EPHA3: variants seen among roughly 807,000 people sequenced by gnomAD.
EPHA3 encodes ephrin type-A receptor 3.
A neutral mutation model predicts 107.1 loss-of-function variants in EPHA3; 42 were observed. That is an observed-to-expected ratio of 0.39 (90% CI 0.31 to 0.51). EPHA3 has a LOEUF of 0.51. Among genes scored for constraint, EPHA3 ranks in the 20% least tolerant of loss-of-function variants. The pLI is 0.78. For synonymous variants in EPHA3, 461 were observed against 424.8 expected, an observed-to-expected ratio of 1.09 and a Z score of -1.05; for missense variants, 1,183 against 1,211.2, an observed-to-expected ratio of 0.98 and a Z score of 0.35.
chr3:89,268,202 G>A lies in EPHA3; in HGVS notation c.814+57682G>A, dbSNP rs1705583420. Among the ~76,000 whole-genome samples, 3 of 152,236 alleles carry A rather than the reference G, an allele frequency of 2.0e-5. No homozygotes were observed. In the South Asian group the frequency reaches 6.2e-4, roughly 32 times the overall value. ...AATTCACTTGCCCCAGCCCACACAA[G>A]TCAGTAGTAGCACAGGGTGGTGTTT... On this transcript the variant is annotated intron_variant, in intron 3 of 16. Transcript: ENST00000336596.
At chr3:89,119,326 T>A (rs1707325877) in intron 1 of EPHA3, among the ~76,000 whole-genome samples, 1 of 152,084 alleles carries the variant, frequency 6.6e-6, no homozygotes. Flanking sequence ...TACCCAAAAA[T>A]ATCTCATTGG....
intron 11 of EPHA3, among the ~76,000 whole-genome samples, chr3:89,423,131 A>ATGAG (rs1469415951): frequency 6.6e-6 from 1 of 151,494 alleles, no homozygotes; most frequent in African/African-American, 2.4e-5. Context: ...AAATAGAAGG[A>ATGAG]ATTATATTGG....
chr3:89,269,903 T>C (rs1442832313), intron 3 of EPHA3, among the ~76,000 whole-genome samples: 2 of 151,812 alleles, frequency 1.3e-5, no homozygotes, highest in Admixed American at 6.6e-5. Context: ...GTTCAGAAGA[T>C]AGAGTCTAAA....
rs967804073 is a variant in EPHA3 at position 89,366,193 on chromosome 3, G to C, written c.1306+24103G>C. Among the ~76,000 whole-genome samples the C allele has an allele frequency of 2.5e-4, 38 of 150,500 alleles. 1 individual carries two copies. The highest frequency in any genetic ancestry group is 9.2e-4 in the African/African-American group (38 of 41,314). On this transcript the variant is annotated intron_variant, in intron 5 of 16. Coordinates refer to ENST00000336596, the MANE Select transcript of EPHA3 (RefSeq NM_005233.6). ...AAAAACAGAACCAATACATTCATCA[G>C]TTTAAGGGAATATTTACACATATTG...
At chr3:89,172,128 T>C (rs1023209091) in intron 2 of EPHA3, among the ~76,000 whole-genome samples, 4 of 152,108 alleles carry the variant, frequency 2.6e-5, no homozygotes, top group African/African-American at 9.7e-5. Flanking sequence ...TAGAAGGTTA[T>C]TAGCATATTG....
At chr3:89,429,632 T>A (rs1296585770) in intron 12 of EPHA3, among the ~76,000 whole-genome samples, 2 of 152,268 alleles carry the variant, frequency 1.3e-5, no homozygotes, top group Non-Finnish European at 2.9e-5. Flanking sequence ...TTTAGATATA[T>A]CATTTTGCTG....
chr3:89,284,549 A>G (rs1266963033), intron 3 of EPHA3, among the ~76,000 whole-genome samples: 5 of 152,194 alleles, frequency 3.3e-5, no homozygotes, highest in Admixed American at 3.3e-4. Flanking sequence ...CTATGTAGAA[A>G]ATAACAATTT....
At chr3:89,473,897 G>A (rs149496652) in intron 16 of EPHA3, among the ~76,000 whole-genome samples, 9 of 152,088 alleles carry the variant, frequency 5.9e-5, no homozygotes, top group East Asian at 3.9e-4. Flanking sequence ...GCATGTTGTC[G>A]CTTGCATGGT....
chr3:89,196,806 A>C (rs1365669398), intron 2 of EPHA3, among the ~76,000 whole-genome samples: 1 of 152,138 alleles, frequency 6.6e-6, no homozygotes, highest in Non-Finnish European at 1.5e-5. Context: ...GGCAACTTTC[A>C]ATAGCATAAA....
intron 2 of EPHA3, among the ~76,000 whole-genome samples, chr3:89,128,103 T>C (rs1206189232): frequency 6.6e-6 from 1 of 152,150 alleles, no homozygotes; most frequent in African/African-American, 2.4e-5. Flanking sequence ...AATTTATGTA[T>C]TCCTGTCCTT....
intron 5 of EPHA3, among the ~76,000 whole-genome samples, chr3:89,350,389 T>G (rs1260752252): frequency 6.6e-6 from 1 of 151,504 alleles, no homozygotes; most frequent in African/African-American, 2.4e-5. Context: ...ACTGATACCC[T>G]TTCTTCCAGT....
At chr3:89,396,911 T>A (rs1206007727) in intron 6 of EPHA3, among the ~76,000 whole-genome samples, 4 of 151,894 alleles carry the variant, frequency 2.6e-5, no homozygotes, top group Non-Finnish European at 5.9e-5. Flanking sequence ...AAACAGAGAG[T>A]GATGTTATAT....
At chr3:89,474,838 G>A (rs1710474377) in intron 16 of EPHA3, among the ~76,000 whole-genome samples, 1 of 152,176 alleles carries the variant, frequency 6.6e-6, no homozygotes, top group African/African-American at 2.4e-5. Flanking sequence ...CTTTTTGGCT[G>A]ATTGGAATAT....
At chr3:89,109,530 C>A (rs1051746328) in intron 1 of EPHA3, among the ~76,000 whole-genome samples, 1 of 151,618 alleles carries the variant, frequency 6.6e-6, no homozygotes, top group Non-Finnish European at 1.5e-5. Context: ...ATTAATTATG[C>A]ACAAGAATGT....
intron 15 of EPHA3, among the ~76,000 whole-genome samples, chr3:89,458,944 T>C (rs1710158279): frequency 6.6e-6 from 1 of 152,098 alleles, no homozygotes; most frequent in African/African-American, 2.4e-5. Flanking sequence ...AACCAAACAC[T>C]GCATGTTCTC....
intron 9 of EPHA3, among the ~76,000 whole-genome samples, chr3:89,412,910 A>G (rs1709181615): frequency 1.3e-5 from 2 of 151,716 alleles, no homozygotes; most frequent in Non-Finnish European, 2.9e-5. Context: ...TTTGCAAAGA[A>G]AGCTCCTCAT....
intron 2 of EPHA3, among the ~76,000 whole-genome samples, chr3:89,188,800 G>C (rs1385910800): frequency 6.6e-6 from 1 of 152,212 alleles, no homozygotes; most frequent in Admixed American, 6.5e-5. Context: ...CAATTTATCA[G>C]AGCTGTGATC....
At chr3:89,245,024 G>T (rs1191167303) in intron 3 of EPHA3, among the ~76,000 whole-genome samples, 2 of 152,226 alleles carry the variant, frequency 1.3e-5, no homozygotes, top group East Asian at 3.9e-4. Flanking sequence ...AAGTATTGTT[G>T]GCCATTCTTG....
intron 15 of EPHA3, among the ~76,000 whole-genome samples, chr3:89,466,438 C>T (rs1306822501): frequency 2.0e-4 from 25 of 122,352 alleles, no homozygotes; most frequent in Middle Eastern, 3.8e-3. Context: ...GCCTCGTTGC[C>T]GCCTTGCAGT....
Sources: allele counts gnomAD v4.1 joint callset (sites outside exome capture counted in the v4.1 genomes callset), GRCh38; gene constraint gnomAD v4.1.1; transcripts MANE v1.5; gene names NCBI Gene and HGNC (gene_info 2026-07-23, HGNC 2026-07-21).